MARK4: variants seen among roughly 807,000 people sequenced by gnomAD.
The protein encoded by MARK4 is MAP/microtubule affinity-regulating kinase 4.
Under a neutral mutation model 81.5 loss-of-function variants are expected in MARK4, and 19 were observed. The ratio of observed to expected loss-of-function variants is 0.23; its 90% CI spans 0.16 to 0.34. The LOEUF is 0.34. Among genes scored for constraint, MARK4 ranks in the 10% least tolerant of loss-of-function variants. MARK4 has a pLI of 1.00. For missense variants in MARK4, 772 were observed against 1,058.8 expected (o/e 0.73, Z 3.76); for synonymous variants, 436 against 439.0 (o/e 0.99, Z 0.08).
At chr19:45,266,341 G>T in intron 7 of MARK4, 60 bp downstream of exon 7, 1 of 1,529,732 alleles carries the variant, frequency 6.5e-7, no homozygotes, top group South Asian at 1.1e-5. Flanking sequence ...ACTTCTCCCT[G>T]CCCCCACCCC....
chr19:45,297,381 A>G (rs111281700), intron 14 of MARK4, among the ~76,000 whole-genome samples: 3 of 152,334 alleles, frequency 2.0e-5, no homozygotes, highest in African/African-American at 7.2e-5. Flanking sequence ...ATGTCTGTGC[A>G]TCTATTCAGT....
intron 8 of MARK4, among the ~76,000 whole-genome samples, chr19:45,273,780 G>C (rs989119702): frequency 6.6e-6 from 1 of 152,240 alleles, no homozygotes; most frequent in Non-Finnish European, 1.5e-5. Flanking sequence ...CCCGTGAGGA[G>C]CACGTACTGT....
chr19:45,280,484 G>A lies in MARK4; in HGVS notation c.1116+1G>A. 2 of 1,614,182 alleles carry A rather than the reference G, an allele frequency of 1.2e-6. No individual in the cohort carries two copies. The highest frequency in any genetic ancestry group is 1.7e-6 in the Non-Finnish European group (2 of 1,180,020). ...CCTCCTGCTGGGCAGGAAGACTGAG[G>A]TCAGGGGGCGCCAGGGGCCCTTGGG... On this transcript the variant is annotated splice_donor_variant, in intron 11 of 16. Coordinates refer to ENST00000262891, the MANE Select transcript of MARK4 (RefSeq NM_001199867.2). LOFTEE classifies it high-confidence loss of function.
chr19:45,277,789 T>G lies in MARK4; in HGVS notation c.787-134T>G. ...TCGTCAAGGACTGGGACTCAGAGCT[T>G]CTGTCACTTCTATCAAAGGGGTTGG... On this transcript the variant is annotated intron_variant, in intron 8 of 16. Coordinates refer to ENST00000262891, the MANE Select transcript of MARK4 (RefSeq NM_001199867.2). 7.5e-6 allele frequency: 8 copies of G among 1,064,900 alleles called. No individual in the cohort carries two copies. In the South Asian group the frequency reaches 1.5e-4, roughly 20 times the overall value. 66.0% of individuals were successfully genotyped at this position (1,064,900 alleles called of 1,614,324 possible).
In MARK4 at chr19:45,287,676, G is replaced by C; in HGVS notation, c.1494+12G>C. Reference sequence around the variant, plus strand: ...GCACGAGCACCCCCGTGAGTGACCAGGGCTGGGGGGCAGGGCTGGGGGCGC... The same window carrying C: ...GCACGAGCACCCCCGTGAGTGACCACGGCTGGGGGGCAGGGCTGGGGGCGC... On this transcript the variant is annotated intron_variant, in intron 13 of 16. Coordinates refer to ENST00000262891, the MANE Select transcript of MARK4 (RefSeq NM_001199867.2). 6.2e-7 allele frequency: 1 copy of C among 1,602,958 alleles called. No individual in the cohort carries two copies. The highest frequency in any genetic ancestry group is 8.5e-7 in the Non-Finnish European group (1 of 1,174,308).
At chr19:45,301,861 G>A (rs547780172) in intron 16 of MARK4, among the ~76,000 whole-genome samples, 2 of 89,474 alleles carry the variant, frequency 2.2e-5, no homozygotes, top group Admixed American at 1.0e-4. Flanking sequence ...GCAAAACTCC[G>A]TCTCAAAAAA....
In MARK4 at chr19:45,280,728, G is replaced by T; in HGVS notation, c.1270G>T (p.Asp424Tyr). ...CTACCACCGCCAGCGCAGGCATAGC[G>T]ATTTCTGTGAGTATCAACCCCACGC... Reference protein sequence around the residue: ...STYHRQRRHSDFCGPSPAPLH... With the variant: ...STYHRQRRHSYFCGPSPAPLH... Residue 424 changes from aspartate to tyrosine, a missense_variant, in exon 12 of 17, where the codon GAT becomes TAT. Asp to Tyr is a radical substitution (Grantham distance 160, BLOSUM62 -3). Coordinates refer to ENST00000262891, the MANE Select transcript of MARK4 (RefSeq NM_001199867.2). 6.2e-7 allele frequency: 1 copy of T among 1,614,078 alleles called. No individual in the cohort carries two copies. Among genetic ancestry groups the T allele is most frequent in the Non-Finnish European group, 8.5e-7 (1 of 1,179,982 alleles).
chr19:45,253,259 G>C (rs1460495003), intron 1 of MARK4, among the ~76,000 whole-genome samples: 1 of 151,374 alleles, frequency 6.6e-6, no homozygotes, highest in Non-Finnish European at 1.5e-5. Flanking sequence ...CCCTCACAGA[G>C]ACCACCCCGC....
At chr19:45,262,078 G>A (rs1168393130) in intron 2 of MARK4, among the ~76,000 whole-genome samples, 1 of 152,112 alleles carries the variant, frequency 6.6e-6, no homozygotes, top group African/African-American at 2.4e-5. Flanking sequence ...TCAAATCTGG[G>A]CCACAACTTA....
intron 1 of MARK4, among the ~76,000 whole-genome samples, chr19:45,255,870 C>T (rs1358704769): frequency 6.9e-6 from 1 of 145,480 alleles, no homozygotes; most frequent in Non-Finnish European, 1.5e-5. Context: ...AGGCCTCAGG[C>T]ACCCTGAGCC....
intron 12 of MARK4, 70 bp from the exon 13 acceptor site, chr19:45,287,377 C>G: frequency 8.9e-7 from 1 of 1,124,628 alleles, no homozygotes. Context: ...TCTCAGGTTC[C>G]AACGATCCCC....
intron 14 of MARK4, among the ~76,000 whole-genome samples, chr19:45,295,523 C>T (rs974111251): frequency 2.0e-5 from 3 of 152,098 alleles, no homozygotes; most frequent in African/African-American, 7.2e-5. Flanking sequence ...ACCTGTAATC[C>T]CAGCACTTTG....
At position 45,271,752 on chromosome 19, in the gene MARK4, A is replaced by C. The variant is rs766593030; in HGVS notation, c.786+44A>C. On this transcript the variant is annotated intron_variant, in intron 8 of 16. Transcript: ENST00000262891. This position sits in a 1 kb window ranked among gnomAD's most constrained non-coding sequence, Gnocchi z 4.1. ...TGCAGGGGCATCAGCCCCTCCCCAC[A>C]GTCAGGCCCCTATCCCCCCCACACC... 527 of 1,570,204 alleles carry C rather than the reference A, an allele frequency of 3.4e-4. No homozygotes were observed. Among genetic ancestry groups the C allele is most frequent in the Non-Finnish European group, 4.5e-4 (513 of 1,148,806 alleles).
intron 8 of MARK4, among the ~76,000 whole-genome samples, chr19:45,276,186 C>T (rs537357415): frequency 6.6e-6 from 1 of 152,262 alleles, no homozygotes; most frequent in East Asian, 1.9e-4. Flanking sequence ...GCCACCACAC[C>T]TGGCTAATTT....
In MARK4 at chr19:45,300,657, G is replaced by C. The variant is rs574502448; in HGVS notation, c.1922+802G>C. 3.3e-5 allele frequency among the ~76,000 whole-genome samples: 5 copies of C among 152,294 alleles called. No individual in the cohort carries two copies. The South Asian group carries it at 1.0e-3, about 32-fold the overall frequency. Reference sequence around the variant, plus strand: ...ATTTACAAAAGCAGACAGCACTGGAGTTTGCCAAGCCCTGGTTTTGTCTGA... The same window carrying C: ...ATTTACAAAAGCAGACAGCACTGGACTTTGCCAAGCCCTGGTTTTGTCTGA... On this transcript the variant is annotated intron_variant, in intron 16 of 16. Coordinates refer to ENST00000262891, the MANE Select transcript of MARK4 (RefSeq NM_001199867.2).
chr19:45,294,604 G>T (rs1209691026), intron 14 of MARK4, 152 bp downstream of exon 14: 3 of 667,968 alleles, frequency 4.5e-6, no homozygotes, highest in South Asian at 1.8e-5. Flanking sequence ...ATCGACCCAT[G>T]TACCCCCCTG....
chr19:45,276,656 T>C (rs992645592), intron 8 of MARK4, among the ~76,000 whole-genome samples: 2 of 148,828 alleles, frequency 1.3e-5, no homozygotes, highest in African/African-American at 5.0e-5. Context: ...GATGGAGTCT[T>C]GCTCTGCCGC....
chr19:45,297,458 G>T (rs1970901084), intron 14 of MARK4, among the ~76,000 whole-genome samples: 1 of 152,160 alleles, frequency 6.6e-6, no homozygotes, highest in South Asian at 2.1e-4. Flanking sequence ...TTGAAGAAGG[G>T]ACAGTTTGAA....
At chr19:45,287,224 A>T (rs1043327000) in intron 12 of MARK4, among the ~76,000 whole-genome samples, 5 of 143,054 alleles carry the variant, frequency 3.5e-5, no homozygotes, top group Non-Finnish European at 8.0e-5. Context: ...AAAAAAAAAG[A>T]AGGTGCAATG....
Sources: allele counts gnomAD v4.1 joint callset (sites outside exome capture counted in the v4.1 genomes callset), GRCh38; gene constraint gnomAD v4.1.1; non-coding constraint Gnocchi (gnomAD v3.1); transcripts MANE v1.5; gene names NCBI Gene and HGNC (gene_info 2026-07-23, HGNC 2026-07-21).